TSPAN5: variants seen among roughly 807,000 people sequenced by gnomAD.
TSPAN5 encodes the protein tetraspanin 5, also known as tetraspanin-5.
Under a neutral mutation model 37.1 loss-of-function variants are expected in TSPAN5, and 10 were observed. The ratio of observed to expected loss-of-function variants is 0.27; its 90% confidence interval spans 0.17 to 0.46. TSPAN5 has a LOEUF of 0.46. Among genes scored for constraint, TSPAN5 ranks in the 20% least tolerant of loss-of-function variants. The pLI, the probability that TSPAN5 is intolerant of heterozygous loss-of-function variation, is 1.00. For missense variants in TSPAN5, 195 were observed against 326.6 expected, an observed-to-expected ratio of 0.60 and a Z score of 3.11; for synonymous variants, 110 against 118.9, an observed-to-expected ratio of 0.93 and a Z score of 0.48.
intron 1 of TSPAN5, among the ~76,000 whole-genome samples, chr4:98,566,483 C>A (rs1025435805): frequency 2.6e-5 from 4 of 152,112 alleles, no homozygotes; most frequent in African/African-American, 9.7e-5. Flanking sequence ...GAGAATAATA[C>A]CAAAGGCTAG....
intron 5 of TSPAN5, 128 bp from the exon 6 acceptor site, chr4:98,476,588 T>C: frequency 1.3e-6 from 1 of 782,676 alleles, no homozygotes; most frequent in Non-Finnish European, 2.1e-6. Context: ...ACTGCAGCAC[T>C]ATGTTAAACA....
intron 1 of TSPAN5, among the ~76,000 whole-genome samples, chr4:98,624,205 A>G (rs982297615): frequency 6.6e-6 from 1 of 152,126 alleles, no homozygotes; most frequent in Non-Finnish European, 1.5e-5. Context: ...TTTACAGACA[A>G]AAGTTCAGGG....
intron 1 of TSPAN5, among the ~76,000 whole-genome samples, chr4:98,526,853 G>T (rs1466342756): frequency 6.6e-6 from 1 of 152,142 alleles, no homozygotes; most frequent in African/African-American, 2.4e-5. Flanking sequence ...ATAGCATGTG[G>T]CAAGATAAAG....
chr4:98,496,028 C>T (rs1171963836), intron 2 of TSPAN5, among the ~76,000 whole-genome samples: 1 of 152,100 alleles, frequency 6.6e-6, no homozygotes, highest in Admixed American at 6.5e-5. Flanking sequence ...ATTCACCAAC[C>T]CCTCCATAAA....
At chr4:98,536,110 T>A (rs1754227220) in intron 1 of TSPAN5, among the ~76,000 whole-genome samples, 1 of 152,126 alleles carries the variant, frequency 6.6e-6, no homozygotes, top group African/African-American at 2.4e-5. Flanking sequence ...AGAAGAGGTG[T>A]TCTTGTTTTT....
chr4:98,498,911 A>T (rs976651329), intron 2 of TSPAN5, among the ~76,000 whole-genome samples: 1 of 152,142 alleles, frequency 6.6e-6, no homozygotes, highest in Non-Finnish European at 1.5e-5. Flanking sequence ...TCGCTCCCAG[A>T]TGAGTATGTC....
chr4:98,525,404 T>C (rs1266598141), intron 1 of TSPAN5, among the ~76,000 whole-genome samples: 1 of 152,134 alleles, frequency 6.6e-6, no homozygotes, highest in Non-Finnish European at 1.5e-5. Context: ...TGAACCGAAC[T>C]GAAGTGTCCA....
At chr4:98,628,264 A>G (rs1047066263) in intron 1 of TSPAN5, among the ~76,000 whole-genome samples, 3 of 152,126 alleles carry the variant, frequency 2.0e-5, no homozygotes, top group Non-Finnish European at 4.4e-5. Context: ...TTGTGGGGCC[A>G]TTTTTTAAAT....
At chr4:98,604,652 C>T (rs1054387257) in intron 1 of TSPAN5, among the ~76,000 whole-genome samples, 2 of 152,146 alleles carry the variant, frequency 1.3e-5, no homozygotes, top group African/African-American at 4.8e-5. Context: ...CTAGAATAAG[C>T]CCAGGGGGCT....
intron 1 of TSPAN5, among the ~76,000 whole-genome samples, chr4:98,652,664 C>G (rs772582712): frequency 6.6e-6 from 1 of 152,192 alleles, no homozygotes; most frequent in African/African-American, 2.4e-5. Flanking sequence ...CATCTCTGTA[C>G]TCCAATTTCT....
intron 1 of TSPAN5, among the ~76,000 whole-genome samples, chr4:98,652,827 A>G (rs1009363597): frequency 1.7e-4 from 26 of 152,358 alleles, no homozygotes; most frequent in African/African-American, 6.3e-4. Flanking sequence ...AAAGTGACCC[A>G]TCTAAATGAG....
At chr4:98,543,746 G>C (rs1754411905) in intron 1 of TSPAN5, among the ~76,000 whole-genome samples, 1 of 151,706 alleles carries the variant, frequency 6.6e-6, no homozygotes, top group Admixed American at 6.6e-5. Flanking sequence ...AATGTCTTTA[G>C]GGAATTTTCT....
At chr4:98,655,126 T>A (rs1340157339) in intron 1 of TSPAN5, among the ~76,000 whole-genome samples, 1 of 152,216 alleles carries the variant, frequency 6.6e-6, no homozygotes, top group Non-Finnish European at 1.5e-5. Flanking sequence ...ATCGCAGGCG[T>A]GAGCCACCGC....
chr4:98,534,503 G>A (rs1177601449), intron 1 of TSPAN5, among the ~76,000 whole-genome samples: 4 of 152,326 alleles, frequency 2.6e-5, no homozygotes. Flanking sequence ...TTGATTTAGG[G>A]TGGAGAGTTC....
chr4:98,503,167 G>A (rs1753394656), intron 2 of TSPAN5, among the ~76,000 whole-genome samples: 1 of 152,082 alleles, frequency 6.6e-6, no homozygotes, highest in Non-Finnish European at 1.5e-5. Context: ...AGCCATAGGT[G>A]AGGTGGATGG....
At position 98,635,122 on chromosome 4, in the gene TSPAN5, G is replaced by A. The variant is rs145676065; in HGVS notation, c.81+23024C>T. 1.6e-3 allele frequency among the ~76,000 whole-genome samples: 249 copies of A among 152,242 alleles called. 1 individual carries two copies. Among genetic ancestry groups the A allele is most frequent in the African/African-American group, 5.8e-3 (240 of 41,548 alleles). ...CTGCATATCTTTCCACATCACAGAA[G>A]GGAAAAAATATTAGTTGACATTTAG... is the stretch of plus-strand genomic sequence containing the variant. On this transcript the variant is annotated intron_variant, in intron 1 of 7. Coordinates refer to ENST00000305798, the MANE Select transcript of TSPAN5 (RefSeq NM_005723.4).
At chr4:98,508,669 C>T (rs4282188) in intron 1 of TSPAN5, among the ~76,000 whole-genome samples, 29,605 of 151,600 alleles carry the variant, frequency 0.2, 3,073 homozygotes, top group East Asian at 0.41. Flanking sequence ...GGACCATAGG[C>T]GCATGCCACC....
intron 1 of TSPAN5, among the ~76,000 whole-genome samples, chr4:98,546,090 C>T (rs1013534545): frequency 2.0e-5 from 3 of 152,028 alleles, no homozygotes; most frequent in Admixed American, 6.6e-5. Flanking sequence ...CACAATGTTT[C>T]GCTATAAGTA....
intron 3 of TSPAN5, chr4:98,484,129 A>C (rs1224032197): frequency 7.9e-6 from 2 of 252,190 alleles, no homozygotes; most frequent in Non-Finnish European, 1.6e-5. Context: ...CATATTATAC[A>C]TACCAAAAAT....
Sources: allele counts gnomAD v4.1 joint callset (sites outside exome capture counted in the v4.1 genomes callset), GRCh38; gene constraint gnomAD v4.1.1; transcripts MANE v1.5; gene names NCBI Gene and HGNC (gene_info 2026-07-23, HGNC 2026-07-21).